Variants in SLC8A1 observed in about 807,000 individuals in gnomAD.
The protein encoded by SLC8A1 is sodium/calcium exchanger 1.
A neutral mutation model predicts 68.3 loss-of-function variants in SLC8A1; 18 were observed. That is an observed-to-expected ratio of 0.26 (90% confidence interval 0.18 to 0.39). The LOEUF (loss-of-function observed/expected upper bound fraction) is 0.39. Ranked by LOEUF, SLC8A1 falls within the 10% of genes least tolerant of loss-of-function variation. The probability of loss-of-function intolerance (pLI) is 1.00; values close to 1 mark genes in which losing one functional copy is unlikely to be tolerated. For synonymous variants in SLC8A1, 475 were observed against 415.5 expected (o/e 1.14, Z -1.74); for missense variants, 985 against 1,156.7 (o/e 0.85, Z 2.15).
At chr2:40,429,361 G>C in exon 2 of SLC8A1, 1 of 1,613,722 alleles carries the variant, frequency 6.2e-7, no homozygotes, top group Non-Finnish European at 8.5e-7. Flanking sequence ...CAGAACCAGA[G>C]CACCATCTAA....
chr2:40,098,166 T>C (rs2033685598), exon 8 of SLC8A1: 1 of 152,082 alleles, frequency 6.6e-6, no homozygotes, highest in South Asian at 2.1e-4. Context: ...CTCTGGCTCA[T>C]GCCATGAAAG....
chr2:40,258,927 A>G (rs1316727586), intron 2 of SLC8A1, among the ~76,000 whole-genome samples: 2 of 143,822 alleles, frequency 1.4e-5, no homozygotes, highest in Non-Finnish European at 3.0e-5. Flanking sequence ...ACCAGAAAGA[A>G]AATAAAAAAA....
chr2:40,482,658 C>T (rs1704704849), intron 1 of SLC8A1, among the ~76,000 whole-genome samples: 1 of 152,180 alleles, frequency 6.6e-6, no homozygotes, highest in Admixed American at 6.5e-5. Flanking sequence ...GATTTGAATC[C>T]AGACAGCCTG....
chr2:40,325,765 C>T (rs1046132655), intron 2 of SLC8A1, among the ~76,000 whole-genome samples: 19 of 99,534 alleles, frequency 1.9e-4, no homozygotes, highest in Non-Finnish European at 1.5e-4. Flanking sequence ...AACCCTGTCT[C>T]TACTAAAAAT....
At chr2:40,360,609 T>G (rs1381376187) in intron 2 of SLC8A1, among the ~76,000 whole-genome samples, 5 of 152,130 alleles carry the variant, frequency 3.3e-5, no homozygotes, top group Admixed American at 1.3e-4. Context: ...TTCTCTCACT[T>G]TAGACACTGG....
intron 1 of SLC8A1, among the ~76,000 whole-genome samples, chr2:40,486,491 A>G (rs529372555): frequency 6.6e-6 from 1 of 152,298 alleles, no homozygotes; most frequent in East Asian, 1.9e-4. Flanking sequence ...CCATTAGGCA[A>G]TAAGATATAT....
At chr2:40,167,753 G>T (rs1402691183) in intron 4 of SLC8A1, among the ~76,000 whole-genome samples, 1 of 152,134 alleles carries the variant, frequency 6.6e-6, no homozygotes, top group African/African-American at 2.4e-5. Flanking sequence ...CTATTGATGA[G>T]TGAGAAGGTT....
At chr2:40,231,524 T>G (rs1313398547) in intron 2 of SLC8A1, among the ~76,000 whole-genome samples, 1 of 152,184 alleles carries the variant, frequency 6.6e-6, no homozygotes, top group Non-Finnish European at 1.5e-5. Flanking sequence ...GAGTCTCAGT[T>G]GAACTATTCA....
intron 1 of SLC8A1, among the ~76,000 whole-genome samples, chr2:40,487,990 G>A (rs1024718996): frequency 3.3e-5 from 5 of 152,088 alleles, no homozygotes; most frequent in Non-Finnish European, 7.4e-5. Flanking sequence ...ATAATCATAA[G>A]TGGGGTTAAA....
At chr2:40,445,820 C>T (rs1284712311) in intron 1 of SLC8A1, among the ~76,000 whole-genome samples, 3 of 152,162 alleles carry the variant, frequency 2.0e-5, no homozygotes, top group Non-Finnish European at 4.4e-5. Context: ...TTTGAAAGAT[C>T]ATTTTGGAAG....
At chr2:40,504,203 G>A (rs1706224239) in intron 1 of SLC8A1, among the ~76,000 whole-genome samples, 1 of 151,954 alleles carries the variant, frequency 6.6e-6, no homozygotes, top group Non-Finnish European at 1.5e-5. Context: ...AACATACACT[G>A]GGAAAAAGAC....
intron 2 of SLC8A1, among the ~76,000 whole-genome samples, chr2:40,274,130 C>G (rs2066403367): frequency 6.7e-6 from 1 of 150,298 alleles, no homozygotes; most frequent in South Asian, 2.1e-4. Flanking sequence ...AGAGGGCCCT[C>G]AGAAGATGTG....
intron 2 of SLC8A1, among the ~76,000 whole-genome samples, chr2:40,316,827 A>C (rs2074518002): frequency 6.6e-6 from 1 of 152,050 alleles, no homozygotes; most frequent in African/African-American, 2.4e-5. Flanking sequence ...CAGAGTGCCC[A>C]ACATGTAATC....
chr2:40,165,015 C>T, intron 4 of SLC8A1, 31 bp from the exon 8 acceptor site: 1 of 1,612,542 alleles, frequency 6.2e-7, no homozygotes, highest in African/African-American at 1.3e-5. Context: ...AGAGTGAGCA[C>T]TGTGTTCTGT....
intron 7 of SLC8A1, among the ~76,000 whole-genome samples, chr2:40,122,321 CTGA>C (rs2037092143): frequency 6.6e-6 from 1 of 151,878 alleles, no homozygotes. Flanking sequence ...AACAGAATTG[CTGA>C]TGTTTGACTG....
intron 2 of SLC8A1, among the ~76,000 whole-genome samples, chr2:40,193,639 G>A (rs921736979): frequency 2.6e-5 from 4 of 152,134 alleles, no homozygotes; most frequent in African/African-American, 9.7e-5. Context: ...GCTAAATCAT[G>A]TGGGCATAAT....
At chr2:40,389,559 T>G (rs889556131) in intron 2 of SLC8A1, among the ~76,000 whole-genome samples, 6 of 151,924 alleles carry the variant, frequency 3.9e-5, no homozygotes, top group African/African-American at 1.5e-4. Flanking sequence ...ATCCCAAGTC[T>G]ACCACTTAGA....
In SLC8A1 at chr2:40,415,913, T is replaced by C. The variant is rs373223165; in HGVS notation, c.1808+12560A>G. Among the ~76,000 whole-genome samples the C allele has an allele frequency of 2.7e-3, 280 of 102,244 alleles. 1 individual carries two copies. The highest frequency in any genetic ancestry group is 9.6e-3 in the African/African-American group (240 of 24,988). 67.1% of individuals were successfully genotyped at this position (102,244 alleles called of 152,430 possible). A position where few individuals can be genotyped will look rare whatever the true frequency, so the allele number is the denominator to read the frequency against. On this transcript the variant is annotated intron_variant, in intron 2 of 7. Coordinates refer to ENST00000406785, the Ensembl canonical transcript of SLC8A1. ...ACACACACACACACACACACACACATTAGCTGGGCGTGGTGGCAGGTGTCT... is the reference window on the plus strand; with the variant it reads ...ACACACACACACACACACACACACACTAGCTGGGCGTGGTGGCAGGTGTCT...
intron 2 of SLC8A1, among the ~76,000 whole-genome samples, chr2:40,288,202 G>A (rs1279959066): frequency 1.3e-5 from 2 of 152,088 alleles, no homozygotes; most frequent in Non-Finnish European, 1.5e-5. Context: ...ACCCCCTCAA[G>A]AATTGTTCCT....
Sources: gnomAD v4.1 joint callset for allele counts (sites outside exome capture counted in the v4.1 genomes callset) on GRCh38, gnomAD v4.1.1 for gene constraint, MANE v1.5 for transcripts, NCBI Gene and HGNC (gene_info 2026-07-23, HGNC 2026-07-21) for gene names.